The following CAPZA1 variants were observed in gnomAD, a reference collection of about 807,000 sequenced individuals.
The protein encoded by CAPZA1 is capping actin protein of muscle Z-line subunit alpha 1, also known as F-actin-capping protein subunit alpha-1.
CAPZA1 carries 10 observed loss-of-function variants against 40.8 expected under a neutral mutation model. That is an observed-to-expected ratio of 0.25 (90% CI 0.15 to 0.42). CAPZA1 has a LOEUF of 0.42. Among genes scored for constraint, CAPZA1 ranks in the 10% least tolerant of loss-of-function variants. The pLI, the probability that CAPZA1 is intolerant of heterozygous loss-of-function variation, is 1.00. For missense variants in CAPZA1, 277 were observed against 353.8 expected, an observed-to-expected ratio of 0.78 and a Z score of 1.74; for synonymous variants, 98 against 115.0, an observed-to-expected ratio of 0.85 and a Z score of 0.95.
chr1:112,659,196 T>C (rs1008304682), intron 6 of CAPZA1, 95 bp downstream of exon 6: 20 of 796,834 alleles, frequency 2.5e-5, no homozygotes, highest in Non-Finnish European at 4.4e-5. Flanking sequence ...ATTATTTAAC[T>C]TACAGACTTC....
chr1:112,638,508 T>C (rs1186679158), intron 1 of CAPZA1, among the ~76,000 whole-genome samples: 1 of 151,970 alleles, frequency 6.6e-6, no homozygotes, highest in Non-Finnish European at 1.5e-5. Flanking sequence ...AGAGACAGGG[T>C]TACACCATGT....
rs188073667 is a variant in CAPZA1 at position 112,634,942 on chromosome 1, G to C, written c.40-12268G>C. ...ACCTCATAATAATCTTTAAAACTGA[G>C]AACATTTCCTTTACATCTTCTTATT... On this transcript the variant is annotated intron_variant, in intron 1 of 9. Coordinates refer to ENST00000263168, the MANE Select transcript of CAPZA1 (RefSeq NM_006135.3). Among the ~76,000 whole-genome samples, 285 of 152,226 alleles carry C rather than the reference G, an allele frequency of 1.9e-3. 3 individuals are homozygous for C. Among genetic ancestry groups the C allele is most frequent in the Admixed American group, 0.013 (198 of 15,272 alleles).
At chr1:112,647,104 C>T (rs1234642549) in intron 1 of CAPZA1, 106 bp from the exon 2 acceptor site, 1 of 542,082 alleles carries the variant, frequency 1.8e-6, no homozygotes, top group African/African-American at 1.9e-5. Context: ...TTAAACAGAA[C>T]ATTTTTTTCA....
intron 1 of CAPZA1, among the ~76,000 whole-genome samples, chr1:112,642,455 T>G (rs1171706463): frequency 6.6e-6 from 1 of 152,020 alleles, no homozygotes; most frequent in Non-Finnish European, 1.5e-5. Flanking sequence ...GACCTCGTGA[T>G]CTGCCCACTT....
At chr1:112,638,880 G>A (rs1455143774) in intron 1 of CAPZA1, among the ~76,000 whole-genome samples, 4 of 135,946 alleles carry the variant, frequency 2.9e-5, no homozygotes, top group Admixed American at 2.8e-4. Flanking sequence ...TCCGGCCTGG[G>A]CAACAGAGCG....
chr1:112,635,921 C>T (rs1449407898), intron 1 of CAPZA1, among the ~76,000 whole-genome samples: 1 of 152,092 alleles, frequency 6.6e-6, no homozygotes, highest in Non-Finnish European at 1.5e-5. Flanking sequence ...CCCAGCTACT[C>T]AGGAGGCTGG....
At chr1:112,619,976 A>G in intron 1 of CAPZA1, 93 bp downstream of exon 1, 1 of 1,033,462 alleles carries the variant, frequency 9.7e-7, no homozygotes, top group Non-Finnish European at 1.5e-6. Context: ...GTCCCCAGGA[A>G]AAAGAAGCTT....
chr1:112,629,928 T>C (rs944809847), intron 1 of CAPZA1, among the ~76,000 whole-genome samples: 3 of 152,234 alleles, frequency 2.0e-5, no homozygotes. Context: ...TTCTCTGTAG[T>C]TGTCCTCCAC....
intron 3 of CAPZA1, 158 bp downstream of exon 3, chr1:112,649,627 T>C: frequency 1.6e-6 from 1 of 639,502 alleles, no homozygotes; most frequent in Non-Finnish European, 2.8e-6. Context: ...AGAAAACATG[T>C]TCCCCCAATT....
Position 112,664,295 on chromosome 1 carries a change from GTTA to G in CAPZA1, c.586-2777_586-2775del, listed in dbSNP as rs532706328. On this transcript the variant is annotated intron_variant, in intron 7 of 9. Coordinates refer to ENST00000263168, the MANE Select transcript of CAPZA1 (RefSeq NM_006135.3). ...AAACAAGGATAGGTAGGGGGTTCTT[GTTA>G]TCCAGGAAAGTCTTTTTGTTGCAAA... Among the ~76,000 whole-genome samples, 138 of 150,992 alleles carry G rather than the reference GTTA, an allele frequency of 9.1e-4. 1 individual carries two copies. The highest frequency in any genetic ancestry group is 3.2e-3 in the African/African-American group (131 of 41,222).
At chr1:112,638,938 G>GATATAGATATAGA (rs1557729650) in intron 1 of CAPZA1, among the ~76,000 whole-genome samples, 5 of 78,026 alleles carry the variant, frequency 6.4e-5, no homozygotes, top group African/African-American at 3.6e-4. Flanking sequence ...ATAGATATAG[G>GATATAGATATAGA]TATAGATATA....
intron 1 of CAPZA1, among the ~76,000 whole-genome samples, chr1:112,643,903 G>A (rs975256045): frequency 1.1e-4 from 17 of 150,310 alleles, no homozygotes; most frequent in Non-Finnish European, 2.2e-4. Context: ...GGATTGCAGT[G>A]GCGGGATCTC....
intron 7 of CAPZA1, among the ~76,000 whole-genome samples, chr1:112,666,508 T>G (rs1671726445): frequency 6.6e-6 from 1 of 152,240 alleles, no homozygotes; most frequent in Non-Finnish European, 1.5e-5. Flanking sequence ...CACTTCACTT[T>G]ACCTTACATA....
intron 8 of CAPZA1, 54 bp from the exon 9 acceptor site, chr1:112,669,489 C>A: frequency 1.6e-6 from 2 of 1,213,748 alleles, no homozygotes; most frequent in Non-Finnish European, 2.4e-6. Context: ...CAGGATCTTA[C>A]TGCTTACACA....
intron 8 of CAPZA1, among the ~76,000 whole-genome samples, chr1:112,667,851 T>G (rs1671753630): frequency 6.6e-6 from 1 of 152,082 alleles, no homozygotes; most frequent in Non-Finnish European, 1.5e-5. Flanking sequence ...TTCTATACCT[T>G]GAAAGAAGAG....
At chr1:112,655,574 G>GT (rs1309378618) in intron 5 of CAPZA1, among the ~76,000 whole-genome samples, 2 of 151,862 alleles carry the variant, frequency 1.3e-5, no homozygotes, top group African/African-American at 4.8e-5. Flanking sequence ...TTGTTCTTTT[G>GT]TTTTTTGAGA....
Position 112,654,500 on chromosome 1 carries a change from C to T in CAPZA1, c.255C>T (p.Ser85=). ...CAGAGCACGGTGACCTGGGTAATAG[C>T]AGATTTTTAGATCCAAGAAACAAAA... is the stretch of plus-strand genomic sequence containing the variant. ...LITEHGDLGN[S]RFLDPRNKIS... The change falls in exon 5 of 10, where the codon AGC becomes AGT. Residue 85 remains serine, a synonymous_variant. Transcript: ENST00000263168. 1.2e-6 allele frequency: 2 copies of T among 1,613,732 alleles called. No homozygotes were observed. The highest frequency in any genetic ancestry group is 2.2e-5 in the East Asian group (1 of 44,858).
chr1:112,623,167 G>A (rs1670719501), intron 1 of CAPZA1, among the ~76,000 whole-genome samples: 1 of 152,216 alleles, frequency 6.6e-6, no homozygotes, highest in Non-Finnish European at 1.5e-5. Context: ...TTGCAGGCGT[G>A]AGTCACTGCA....
chr1:112,639,628 T>C (rs1304799670), intron 1 of CAPZA1, among the ~76,000 whole-genome samples: 1 of 152,220 alleles, frequency 6.6e-6, no homozygotes, highest in Non-Finnish European at 1.5e-5. Context: ...TCCTTTGGCT[T>C]CCTTGACCTG....
Sources: gnomAD v4.1 joint callset for allele counts (sites outside exome capture counted in the v4.1 genomes callset) on GRCh38, gnomAD v4.1.1 for gene constraint, MANE v1.5 for transcripts, NCBI Gene and HGNC (gene_info 2026-07-23, HGNC 2026-07-21) for gene names.